TRIO: variants seen among roughly 807,000 people sequenced by gnomAD.
TRIO encodes triple functional domain protein.
In TRIO, 58 loss-of-function variants were observed where a neutral mutation model predicts 351.9. The observed-to-expected ratio is 0.16, with a 90% CI of 0.13 to 0.21. The LOEUF (loss-of-function observed/expected upper bound fraction) is 0.21. Among genes scored for constraint, TRIO ranks in the 10% least tolerant of loss-of-function variants. TRIO has a pLI of 1.00. For synonymous variants in TRIO, 1,758 were observed against 1,595.7 expected (o/e 1.10, Z -2.42); for missense variants, 3,201 against 4,027.8 (o/e 0.79, Z 5.56).
At chr5:14,380,170 G>T (rs983593856) in intron 20 of TRIO, among the ~76,000 whole-genome samples, 1 of 152,230 alleles carries the variant, frequency 6.6e-6, no homozygotes, top group Non-Finnish European at 1.5e-5. Context: ...ATGAGAAGCA[G>T]AACTGCACTC....
intron 31 of TRIO, among the ~76,000 whole-genome samples, chr5:14,403,420 G>GGTGAGGGTGTAGGTT (rs1561447912): frequency 6.8e-5 from 6 of 88,690 alleles, no homozygotes; most frequent in African/African-American, 3.7e-4. Flanking sequence ...TGTAGGTTGT[G>GGTGAGGGTGTAGGTT]GTGAGGGTGT....
At chr5:14,404,452 A>G (rs954358152) in intron 31 of TRIO, among the ~76,000 whole-genome samples, 2 of 152,152 alleles carry the variant, frequency 1.3e-5, no homozygotes, top group South Asian at 2.1e-4. Flanking sequence ...GTAACGATCA[A>G]TTCATATGAG....
intron 34 of TRIO, among the ~76,000 whole-genome samples, chr5:14,441,842 A>T (rs548198740): frequency 5.3e-5 from 8 of 152,360 alleles, no homozygotes; most frequent in African/African-American, 1.7e-4. Flanking sequence ...ATACAAAGTT[A>T]GCTGGGGAGA....
intron 34 of TRIO, among the ~76,000 whole-genome samples, chr5:14,423,034 C>A (rs1382015957): frequency 1.3e-5 from 2 of 152,218 alleles, no homozygotes; most frequent in Non-Finnish European, 2.9e-5. Context: ...TTGGGCCGGC[C>A]AGCCTTCGTG....
intron 1 of TRIO, among the ~76,000 whole-genome samples, chr5:14,263,855 A>G (rs879884533): frequency 2.6e-5 from 4 of 152,228 alleles, no homozygotes; most frequent in African/African-American, 4.8e-5. Flanking sequence ...GGACATGCAC[A>G]GACAGGTAGA....
chr5:14,304,613 AC>A (rs1189924077), intron 8 of TRIO, 21 bp downstream of exon 8: 1 of 1,604,478 alleles, frequency 6.2e-7, no homozygotes, highest in Admixed American at 1.7e-5. Context: ...AGTTTTACTT[AC>A]ATTGCAAAGC....
At chr5:14,430,666 C>T (rs1282679952) in intron 34 of TRIO, among the ~76,000 whole-genome samples, 3 of 151,376 alleles carry the variant, frequency 2.0e-5, no homozygotes, top group Admixed American at 1.3e-4. Flanking sequence ...TTACCACAAA[C>T]ATTTCACAGT....
At chr5:14,422,133 A>C (rs187650849) in intron 34 of TRIO, among the ~76,000 whole-genome samples, 1 of 152,198 alleles carries the variant, frequency 6.6e-6, no homozygotes, top group African/African-American at 2.4e-5. Flanking sequence ...CGAGCGAGTT[A>C]AACATGGCCC....
chr5:14,230,722 TC>T (rs1489037937), intron 1 of TRIO, among the ~76,000 whole-genome samples: 1 of 152,228 alleles, frequency 6.6e-6, no homozygotes, highest in East Asian at 1.9e-4. Flanking sequence ...TGTATCATTC[TC>T]TAGGGTAAAT....
rs536281157 is a variant in TRIO, at chr5:14,150,320, A to G, written c.157+6438A>G. On this transcript the variant is annotated intron_variant, in intron 1 of 56. Transcript: ENST00000344204. ...GCCAGGAGTTAGGGGGTGGGGGAGT[A>G]TGGCTACAAGGGGGCAGGAGGCAGG... Among the ~76,000 whole-genome samples the G allele has an allele frequency of 1.9e-4, 29 of 151,856 alleles. No individual in the cohort carries two copies. The South Asian group carries it at 5.2e-3, about 27-fold the overall frequency.
intron 18 of TRIO, among the ~76,000 whole-genome samples, chr5:14,369,891 A>G (rs56128432): frequency 0.19 from 29,387 of 152,088 alleles, 3,555 homozygotes; most frequent in Non-Finnish European, 0.27. Flanking sequence ...CAGCCTCCTC[A>G]TTCCCTTCAT....
intron 20 of TRIO, among the ~76,000 whole-genome samples, chr5:14,378,685 A>G (rs891130925): frequency 6.6e-6 from 1 of 151,448 alleles, no homozygotes; most frequent in Non-Finnish European, 1.5e-5. Context: ...TCAGCCTCCC[A>G]AGTAGCTGTG....
intron 4 of TRIO, among the ~76,000 whole-genome samples, chr5:14,288,901 G>T (rs1736673917): frequency 6.6e-6 from 1 of 152,038 alleles, no homozygotes; most frequent in Non-Finnish European, 1.5e-5. Context: ...TTTCCTTGAG[G>T]CATATTAATA....
In TRIO at chr5:14,457,281, G is replaced by GA. The variant is rs1753384762; in HGVS notation, c.5204-3736dup. ...TTCAATAAGTAGGAACTCAGGGCAA[G>GA]AACTGCTGCTTCTCATCAATGGCAG... On this transcript the variant is annotated intron_variant, in intron 34 of 56. Transcript: ENST00000344204. Among the ~76,000 whole-genome samples the GA allele has an allele frequency of 4.1e-5, 6 of 146,932 alleles. No homozygotes were observed. In the Admixed American group the frequency reaches 4.3e-4, roughly 10 times the overall value.
At chr5:14,495,051 G>A (rs148408080) in intron 49 of TRIO, among the ~76,000 whole-genome samples, 4 of 152,340 alleles carry the variant, frequency 2.6e-5, no homozygotes, top group Non-Finnish European at 5.9e-5. Context: ...TGAATCATGG[G>A]AGAAGGTCAG....
chr5:14,352,890 T>G (rs866636739), intron 11 of TRIO, among the ~76,000 whole-genome samples: 5 of 6,676 alleles, frequency 7.5e-4, no homozygotes, highest in South Asian at 5.7e-3. Context: ...GTTTTTGGGT[T>G]TTTTTTTTTT....
chr5:14,474,207 C>T (rs965738533), intron 40 of TRIO, 110 bp downstream of exon 40: 64 of 1,025,544 alleles, frequency 6.2e-5, no homozygotes, highest in Non-Finnish European at 9.1e-5. Flanking sequence ...ACCTGTGTAG[C>T]CTCCTGGAGG....
In TRIO at chr5:14,485,018, G is replaced by C. The variant is rs1168929674; in HGVS notation, c.6658-51G>C. On this transcript the variant is annotated intron_variant, in intron 46 of 56. Coordinates refer to ENST00000344204, the MANE Select transcript of TRIO (RefSeq NM_007118.4). ...TCATCGGTCAGTGGACACATGGTTT[G>C]CTTCCTTTCCACCTGTTAGCTATTA... 3 of 1,474,536 alleles carry C rather than the reference G, an allele frequency of 2.0e-6. No homozygotes were observed. In the African/African-American group the frequency reaches 4.2e-5, roughly 21 times the overall value. 91.3% of individuals were successfully genotyped at this position (1,474,536 alleles called of 1,614,324 possible).
rs1304869298 is a variant in TRIO, at chr5:14,199,082, C to G, written c.157+55200C>G. ...GTGAAACCCTGTCTCTACAAAAATA[C>G]AAAAATTAACCAGGCATGATGGCAG... On this transcript the variant is annotated intron_variant, in intron 1 of 56. Transcript: ENST00000344204. 2.1e-5 allele frequency among the ~76,000 whole-genome samples: 3 copies of G among 144,298 alleles called. No individual in the cohort carries two copies. In the East Asian group the frequency reaches 6.4e-4, roughly 31 times the overall value. The allele number at this position is 144,298 out of a possible 152,430, so 94.7% of individuals were successfully genotyped here.
Sources: allele counts gnomAD v4.1 joint callset (sites outside exome capture counted in the v4.1 genomes callset), GRCh38; gene constraint gnomAD v4.1.1; transcripts MANE v1.5; gene names NCBI Gene and HGNC (gene_info 2026-07-23, HGNC 2026-07-21).